SCARB2: variants seen among roughly 807,000 people sequenced by gnomAD.
The protein encoded by SCARB2 is lysosome membrane protein 2.
SCARB2 carries 29 observed loss-of-function variants against 58.6 expected under a neutral mutation model. That is an observed-to-expected ratio of 0.49 (90% CI 0.37 to 0.67). SCARB2 has a LOEUF of 0.67. Ranked by LOEUF, SCARB2 falls within the 30% of genes least tolerant of loss-of-function variation. The pLI is 0.00. For missense variants in SCARB2, 488 were observed against 578.5 expected (o/e 0.84, Z 1.60); for synonymous variants, 195 against 210.1 (o/e 0.93, Z 0.62).
chr4:76,203,116 A>C (rs560185645), intron 1 of SCARB2, among the ~76,000 whole-genome samples: 1 of 152,270 alleles, frequency 6.6e-6, no homozygotes, highest in Admixed American at 6.5e-5. Context: ...CTGGGATTAC[A>C]GGTGCACACC....
chr4:76,218,504 C>T (rs1733253989), upstream of SCARB2, among the ~76,000 whole-genome samples: 3 of 152,210 alleles, frequency 2.0e-5, 1 homozygote, highest in Admixed American at 1.3e-4. Flanking sequence ...TCTACCGCCT[C>T]CTCCGATCAA....
intron 1 of SCARB2, among the ~76,000 whole-genome samples, chr4:76,225,896 G>A (rs1267271468): frequency 6.6e-6 from 1 of 152,096 alleles, no homozygotes; most frequent in Non-Finnish European, 1.5e-5. Flanking sequence ...GGGTGATACT[G>A]GCTTCATGGA....
chr4:76,210,972 GATTAT>G (rs1466797801), intron 1 of SCARB2, among the ~76,000 whole-genome samples: 1 of 152,168 alleles, frequency 6.6e-6, no homozygotes, highest in East Asian at 1.9e-4. Flanking sequence ...TATCAGAGTA[GATTAT>G]ATTATAACTA....
chr4:76,189,080 T>C (rs1316802023), intron 2 of SCARB2, among the ~76,000 whole-genome samples: 1 of 152,238 alleles, frequency 6.6e-6, no homozygotes, highest in East Asian at 1.9e-4. Flanking sequence ...CCATGTGTCC[T>C]ATGAATTTAA....
chr4:76,205,098 G>C (rs1450708012), intron 1 of SCARB2, among the ~76,000 whole-genome samples: 1 of 152,110 alleles, frequency 6.6e-6, no homozygotes, highest in Non-Finnish European at 1.5e-5. Flanking sequence ...GGCAAAGGTG[G>C]GAGGATTGCT....
intron 3 of SCARB2, 29 bp downstream of exon 3, chr4:76,180,925 A>T: frequency 1.3e-6 from 2 of 1,591,556 alleles, no homozygotes; most frequent in Non-Finnish European, 1.7e-6. Context: ...TCCAAAATCC[A>T]ACTTAATGGT....
At chr4:76,164,504 G>A (rs112267445) in intron 10 of SCARB2, 24,749 of 152,112 alleles carry the variant, frequency 0.16, 2,263 homozygotes, top group Middle Eastern at 0.34. Flanking sequence ...GGGTGGTGGC[G>A]GGCGCCTGTA....
chr4:76,179,053 G>GTTT, intron 4 of SCARB2: 1 of 138,064 alleles, frequency 7.2e-6, no homozygotes, highest in Non-Finnish European at 1.5e-5. Context: ...TTTTGTTTTT[G>GTTT]TTTTTTTTTT....
chr4:76,215,899 T>C (rs1054934660), upstream of SCARB2, among the ~76,000 whole-genome samples: 1 of 152,090 alleles, frequency 6.6e-6, no homozygotes, highest in Admixed American at 6.5e-5. Context: ...AATAAAGGAT[T>C]GTTGTTGTTT....
chr4:76,175,980 GA>G (rs1251466330), intron 5 of SCARB2, 70 bp from the exon 6 acceptor site: 49 of 1,578,362 alleles, frequency 3.1e-5, no homozygotes, highest in Non-Finnish European at 3.9e-5. Flanking sequence ...AAATGGTCAG[GA>G]CTTTGCAAGA....
At chr4:76,173,795 A>G (rs1399512926) in intron 7 of SCARB2, 2 of 317,744 alleles carry the variant, frequency 6.3e-6, no homozygotes, top group African/African-American at 4.3e-5. Flanking sequence ...TCCAGAAAAA[A>G]AAACACAACA....
At chr4:76,190,067 G>C (rs941698267) in intron 2 of SCARB2, among the ~76,000 whole-genome samples, 1 of 150,860 alleles carries the variant, frequency 6.6e-6, no homozygotes, top group African/African-American at 2.4e-5. Flanking sequence ...GGAGTGCAGT[G>C]GTGCAATCTC....
upstream of SCARB2, among the ~76,000 whole-genome samples, chr4:76,217,251 A>G (rs1733224691): frequency 1.3e-5 from 2 of 152,220 alleles, no homozygotes; most frequent in African/African-American, 2.4e-5. Flanking sequence ...GGAAGGGGTT[A>G]CTGCTCCCAG....
intron 1 of SCARB2, among the ~76,000 whole-genome samples, chr4:76,222,767 C>T (rs1444831006): frequency 6.6e-6 from 1 of 152,120 alleles, no homozygotes; most frequent in Non-Finnish European, 1.5e-5. Flanking sequence ...GTTCTAAGGA[C>T]TTCACATCTA....
Position 76,227,118 on chromosome 4 carries a change from G to C in SCARB2, c.-358+7185C>G, listed in dbSNP as rs143670970. Among the ~76,000 whole-genome samples, 768 of 152,238 alleles carry C rather than the reference G, an allele frequency of 5.0e-3. 2 individuals carry two copies. In the Middle Eastern group the frequency reaches 0.051, roughly 10 times the overall value. Reference sequence around the variant, plus strand: ...TCTAGTTTCTTGAGGTGTGACCTTAGAGTGTCTATTTGTGCTCTTTCAGAC... The same window carrying C: ...TCTAGTTTCTTGAGGTGTGACCTTACAGTGTCTATTTGTGCTCTTTCAGAC... On this transcript the variant is annotated intron_variant, in intron 1 of 11. Transcript: ENST00000638295.
intron 1 of SCARB2, among the ~76,000 whole-genome samples, chr4:76,201,985 T>C (rs953041508): frequency 2.0e-5 from 3 of 152,222 alleles, no homozygotes; most frequent in Admixed American, 2.0e-4. Flanking sequence ...CAAGATCTCC[T>C]ACCTTCTCAT....
chr4:76,183,826 A>G (rs1185574627), intron 2 of SCARB2, among the ~76,000 whole-genome samples: 1 of 152,230 alleles, frequency 6.6e-6, no homozygotes, highest in Non-Finnish European at 1.5e-5. Context: ...GTCATCAGTC[A>G]ATTCACTAGC....
chr4:76,161,457 A>G lies in SCARB2; in HGVS notation c.*256T>C. On this transcript the variant is annotated 3_prime_UTR_variant, in exon 12 of 12. Transcript: ENST00000264896. ...AGCACCCAACAACAACAAAATTACT[A>G]TACAAGGGTTTATTAAATACTTGCT... 1.8e-6 allele frequency: 1 copy of G among 546,620 alleles called. No homozygotes were observed. Among genetic ancestry groups the G allele is most frequent in the Non-Finnish European group, 3.3e-6 (1 of 303,850 alleles). The allele number at this position is 546,620 out of a possible 1,614,324, so 33.9% of individuals were successfully genotyped here.
At chr4:76,189,848 G>A (rs1261418880) in intron 2 of SCARB2, among the ~76,000 whole-genome samples, 1 of 152,088 alleles carries the variant, frequency 6.6e-6, no homozygotes, top group Non-Finnish European at 1.5e-5. Flanking sequence ...AGAACAGCAT[G>A]AGGGTAGCTG....
Sources: allele counts gnomAD v4.1 joint callset (sites outside exome capture counted in the v4.1 genomes callset), GRCh38; gene constraint gnomAD v4.1.1; transcripts MANE v1.5; gene names NCBI Gene and HGNC (gene_info 2026-07-23, HGNC 2026-07-21).